MYSM1: variants seen among roughly 807,000 people sequenced by gnomAD.
MYSM1 encodes the protein Myb like, SWIRM and MPN domains 1.
In MYSM1, 51 loss-of-function variants were observed where a neutral mutation model predicts 116.0. The ratio of observed to expected loss-of-function variants is 0.44; its 90% CI spans 0.35 to 0.56. MYSM1 has a LOEUF of 0.56. Ranked by LOEUF, MYSM1 falls within the 20% of genes least tolerant of loss-of-function variation. The probability of loss-of-function intolerance (pLI) is 0.00; values close to 1 mark genes in which losing one functional copy is unlikely to be tolerated. For synonymous variants in MYSM1, 313 were observed against 315.2 expected, an observed-to-expected ratio of 0.99 and a Z score of 0.07; for missense variants, 900 against 974.9, an observed-to-expected ratio of 0.92 and a Z score of 1.02.
At chr1:58,682,658 G>A in intron 7 of MYSM1, 113 bp from the exon 8 acceptor site, 1 of 976,544 alleles carries the variant, frequency 1.0e-6, no homozygotes, top group Non-Finnish European at 1.4e-6. Context: ...ACATGTAAAT[G>A]GTACATTATA....
intron 17 of MYSM1, among the ~76,000 whole-genome samples, chr1:58,661,715 TTAATAA>T (rs756521880): frequency 3.9e-5 from 6 of 152,062 alleles, no homozygotes; most frequent in African/African-American, 1.2e-4. Context: ...TGCCAAGCTA[TTAATAA>T]TAATAATGAG....
At chr1:58,668,943 C>CGG in intron 13 of MYSM1, 41 bp downstream of exon 13, 1 of 1,463,344 alleles carries the variant, frequency 6.8e-7, no homozygotes, top group Non-Finnish European at 9.4e-7. Flanking sequence ...GACGGGGAAG[C>CGG]GGGGATTGTC....
intron 1 of MYSM1, among the ~76,000 whole-genome samples, chr1:58,699,298 A>C (rs920023205): frequency 3.9e-5 from 6 of 152,358 alleles, no homozygotes; most frequent in Non-Finnish European, 7.3e-5. Flanking sequence ...TAAAGAATAC[A>C]TTCAGAGGGC....
rs779962870 is a variant in MYSM1 at position 58,661,206 on chromosome 1, G to A, written c.2292C>T (p.Ile764=). 12 of 1,613,136 alleles carry A rather than the reference G, an allele frequency of 7.4e-6. No individual in the cohort carries two copies. In the Admixed American group the frequency reaches 2.0e-4, roughly 27 times the overall value. Residue 764 remains isoleucine (I), a synonymous_variant, in exon 19 of 20, where the codon ATC becomes ATT. Transcript: ENST00000472487. ...LSHSSVPMDK[I]FRRDSDLTCL... ...AAGTCAGGTCAGAATCCCGGCGAAA[G>A]ATTTTATCCATGGGGACGCTGCTGT... is the stretch of plus-strand genomic sequence containing the variant.
intron 10 of MYSM1, 84 bp from the exon 11 acceptor site, chr1:58,673,734 T>A: frequency 8.8e-7 from 1 of 1,142,724 alleles, no homozygotes; most frequent in South Asian, 1.3e-5. Flanking sequence ...ATGAAAACAA[T>A]AATTATCTAA....
chr1:58,679,505 C>CTAGT (rs1393544661), intron 8 of MYSM1, among the ~76,000 whole-genome samples: 1 of 152,140 alleles, frequency 6.6e-6, no homozygotes, highest in Non-Finnish European at 1.5e-5. Context: ...GTTGCCCAGG[C>CTAGT]TAGTGTACAG....
chr1:58,664,575 A>C (rs115103018), intron 17 of MYSM1, among the ~76,000 whole-genome samples: 27 of 152,372 alleles, frequency 1.8e-4, no homozygotes, highest in Non-Finnish European at 3.5e-4. Context: ...AGCAACTAAT[A>C]GTAAATAACA....
intron 19 of MYSM1, among the ~76,000 whole-genome samples, chr1:58,660,875 A>G (rs973425268): frequency 6.6e-6 from 1 of 152,136 alleles, no homozygotes; most frequent in Non-Finnish European, 1.5e-5. Flanking sequence ...GAAACATGGC[A>G]CTTTCAAATT....
rs1553140002 is a variant in MYSM1 at position 58,698,102 on chromosome 1, A to ATTTTTTTTTTTTT, written c.68+1870_68+1882dup. ...TATCAGACTATATATATATATATAT[A>ATTTTTTTTTTTTT]TTTTTTTTTTTTTTTTGAGACAGAG... On this transcript the variant is annotated intron_variant, in intron 1 of 19. Transcript: ENST00000472487. 6.3e-3 allele frequency among the ~76,000 whole-genome samples: 49 copies of ATTTTTTTTTTTTT among 7,772 alleles called. 9 individuals are homozygous for ATTTTTTTTTTTTT. Among genetic ancestry groups the ATTTTTTTTTTTTT allele is most frequent in the African/African-American group, 0.012 (47 of 3,896 alleles). The allele number at this position is 7,772 out of a possible 152,430, so 5.1% of individuals were successfully genotyped here. A position where few individuals can be genotyped will look rare whatever the true frequency, so the allele number is the denominator to read the frequency against.
chr1:58,669,836 C>CAAAAAAAA (rs58828009), intron 12 of MYSM1, among the ~76,000 whole-genome samples: 7 of 14,596 alleles, frequency 4.8e-4, no homozygotes, highest in African/African-American at 1.9e-3. Flanking sequence ...ACCCTGTCTC[C>CAAAAAAAA]AAAAAAAAAA....
At chr1:58,696,788 A>AT (rs1312426920) in intron 1 of MYSM1, among the ~76,000 whole-genome samples, 1 of 152,194 alleles carries the variant, frequency 6.6e-6, no homozygotes, top group African/African-American at 2.4e-5. Flanking sequence ...ACACTGTTGT[A>AT]TATCAGTGCA....
intron 6 of MYSM1, among the ~76,000 whole-genome samples, chr1:58,686,972 A>T (rs1393675969): frequency 6.6e-6 from 1 of 151,632 alleles, no homozygotes; most frequent in Non-Finnish European, 1.5e-5. Context: ...TCTTAAAAAA[A>T]AAAAAAGAAG....
Position 58,669,029 on chromosome 1 carries a change from A to C in MYSM1, c.1671T>G (p.Asp557Glu), listed in dbSNP as rs758571058. ...AATTACAAGGTATCAGTTGGAAGGG[A>C]TCAAACGAGCTGAAAAAGAAAAAAA... The part of the protein sequence containing the change: ...KVPRPTKSSF[D>E]PFQLIPCNFF... Residue 557 changes from aspartate (D) to glutamate (E), a missense_variant, in exon 13 of 20, where the codon GAT (aspartate) becomes GAG (glutamate). Asp to Glu is a conservative substitution (Grantham distance 45, BLOSUM62 2). This residue lies in a region of MYSM1 where 92 missense variants were observed against 155.0 expected (regional missense o/e 0.59). Coordinates refer to ENST00000472487, the MANE Select transcript of MYSM1 (RefSeq NM_001085487.3). The C allele has an allele frequency of 6.3e-7, 1 of 1,592,266 alleles. No homozygotes were observed. The highest frequency in any genetic ancestry group is 2.2e-5 in the East Asian group (1 of 44,642).
At chr1:58,695,939 A>ATT (rs1207274955) in intron 1 of MYSM1, among the ~76,000 whole-genome samples, 2 of 152,130 alleles carry the variant, frequency 1.3e-5, no homozygotes, top group Non-Finnish European at 2.9e-5. Context: ...TAAATTTAAT[A>ATT]TTTTGCTTCG....
chr1:58,693,778 A>G (rs1237353524), intron 2 of MYSM1, among the ~76,000 whole-genome samples: 1 of 152,222 alleles, frequency 6.6e-6, no homozygotes, highest in Non-Finnish European at 1.5e-5. Flanking sequence ...TCTTTACCAC[A>G]GTACCCAAAA....
intron 6 of MYSM1, among the ~76,000 whole-genome samples, chr1:58,687,800 G>T (rs1321543815): frequency 6.6e-6 from 1 of 152,078 alleles, no homozygotes. Flanking sequence ...ATACTGCCCA[G>T]ACCTCTTCTG....
At chr1:58,699,583 G>A in intron 1 of MYSM1, 1 of 971,808 alleles carries the variant, frequency 1.0e-6, no homozygotes, top group Non-Finnish European at 1.2e-6. Context: ...ACTCGCCCAA[G>A]GTCACACGGC....
chr1:58,698,102 A>ATATATATATATATATTTTTT lies in MYSM1; in HGVS notation c.68+1882_68+1883insAAAAAATATATATATATATA. ...TATCAGACTATATATATATATATAT[A>ATATATATATATATATTTTTT]TTTTTTTTTTTTTTTTGAGACAGAG... On this transcript the variant is annotated intron_variant, in intron 1 of 19. Coordinates refer to ENST00000472487, the MANE Select transcript of MYSM1 (RefSeq NM_001085487.3). Among the ~76,000 whole-genome samples, 6 of 7,770 alleles carry ATATATATATATATATTTTTT rather than the reference A, an allele frequency of 7.7e-4. 1 individual carries two copies. Among genetic ancestry groups the ATATATATATATATATTTTTT allele is most frequent in the African/African-American group, 1.5e-3 (6 of 3,892 alleles). The allele number at this position is 7,770 out of a possible 152,430, so 5.1% of individuals were successfully genotyped here.
intron 5 of MYSM1, 181 bp from the exon 6 acceptor site, chr1:58,689,297 G>A: frequency 1.9e-6 from 1 of 532,594 alleles, no homozygotes; most frequent in South Asian, 2.4e-5. Flanking sequence ...GATTTACCCT[G>A]TCACGTGTCT....
Sources: gnomAD v4.1 joint callset for allele counts (sites outside exome capture counted in the v4.1 genomes callset) on GRCh38, gnomAD v4.1.1 for gene constraint, gnomAD v4.1.1 regional missense constraint, MANE v1.5 for transcripts, NCBI Gene and HGNC (gene_info 2026-07-23, HGNC 2026-07-21) for gene names.